PDGFC: variants seen among roughly 807,000 people sequenced by gnomAD.
PDGFC encodes the protein platelet derived growth factor C, also known as platelet-derived growth factor C.
PDGFC carries 12 observed loss-of-function variants against 35.5 expected under a neutral mutation model. The ratio of observed to expected loss-of-function variants is 0.34; its 90% CI spans 0.22 to 0.55. The LOEUF (loss-of-function observed/expected upper bound fraction) is 0.55. Among genes scored for constraint, PDGFC ranks in the 20% least tolerant of loss-of-function variants. The pLI is 0.91. For missense variants in PDGFC, 322 were observed against 412.4 expected, an observed-to-expected ratio of 0.78 and a Z score of 1.90; for synonymous variants, 159 against 148.8, an observed-to-expected ratio of 1.07 and a Z score of -0.50.
At chr4:156,811,808 C>T (rs963093058) in intron 2 of PDGFC, among the ~76,000 whole-genome samples, 39 of 152,008 alleles carry the variant, frequency 2.6e-4, no homozygotes, top group African/African-American at 9.4e-4. Flanking sequence ...CAGACTGTTT[C>T]ACAAATCTGT....
chr4:156,898,761 A>C (rs1579085867), intron 1 of PDGFC, among the ~76,000 whole-genome samples: 1 of 152,246 alleles, frequency 6.6e-6, no homozygotes, highest in East Asian at 1.9e-4. Context: ...CTTGGGCCAA[A>C]GAAATCCTCC....
chr4:156,790,789 A>T (rs950565730), intron 3 of PDGFC, among the ~76,000 whole-genome samples: 1 of 152,356 alleles, frequency 6.6e-6, no homozygotes, highest in East Asian at 1.9e-4. Context: ...TGAAAGGCAC[A>T]ATACAAATTA....
chr4:156,850,268 C>T lies in PDGFC; in HGVS notation c.267G>A (p.Thr89=), dbSNP rs778872984. Residue 89 remains threonine, a synonymous_variant, in exon 2 of 6, where the codon ACG becomes ACA. Coordinates refer to ENST00000502773, the MANE Select transcript of PDGFC (RefSeq NM_016205.3). ...AVEENVWIQL[T]FDERFGLEDP... ...CTTCAAGCCCAAATCTTTCATCAAA[C>T]GTAAGTTGTATCCATACATTTTCCT... 10 of 1,604,730 alleles carry T rather than the reference C, an allele frequency of 6.2e-6. No individual in the cohort carries two copies. The highest frequency in any genetic ancestry group is 5.6e-5 in the South Asian group (5 of 89,424).
intron 1 of PDGFC, among the ~76,000 whole-genome samples, chr4:156,946,798 A>G (rs1418164734): frequency 6.6e-6 from 1 of 152,068 alleles, no homozygotes; most frequent in Non-Finnish European, 1.5e-5. Context: ...TAGGCAACAC[A>G]GTATCTCAAT....
At chr4:156,897,816 C>T (rs1302063031) in intron 1 of PDGFC, among the ~76,000 whole-genome samples, 8 of 152,258 alleles carry the variant, frequency 5.3e-5, no homozygotes, top group Non-Finnish European at 1.2e-4. Flanking sequence ...AAGAGAGCCC[C>T]TTTAACTCTT....
chr4:156,954,625 T>C (rs1368566820), intron 1 of PDGFC, among the ~76,000 whole-genome samples: 1 of 152,008 alleles, frequency 6.6e-6, no homozygotes, highest in Non-Finnish European at 1.5e-5. Flanking sequence ...CTGGAAATGA[T>C]ACATTTTTTT....
At chr4:156,851,930 C>CAAAAAAAAAAAAAAAAAAA (rs61505882) in intron 1 of PDGFC, among the ~76,000 whole-genome samples, 28 of 47,852 alleles carry the variant, frequency 5.9e-4, no homozygotes, top group African/African-American at 1.6e-3. Flanking sequence ...GACTCCATCT[C>CAAAAAAAAAAAAAAAAAAA]AAAAAAAAAA....
intron 1 of PDGFC, among the ~76,000 whole-genome samples, chr4:156,945,298 T>C (rs1295259820): frequency 6.9e-6 from 1 of 144,056 alleles, no homozygotes; most frequent in Non-Finnish European, 1.5e-5. Context: ...TAGACATCTC[T>C]TAATATTTTA....
chr4:156,916,259 C>T (rs1452959002), intron 1 of PDGFC, among the ~76,000 whole-genome samples: 2 of 152,146 alleles, frequency 1.3e-5, no homozygotes, highest in African/African-American at 4.8e-5. Flanking sequence ...GGGCCTCTCA[C>T]CCTGTATGCA....
At chr4:156,939,832 T>C (rs968214780) in intron 1 of PDGFC, among the ~76,000 whole-genome samples, 2 of 152,022 alleles carry the variant, frequency 1.3e-5, no homozygotes, top group Non-Finnish European at 2.9e-5. Context: ...GTTGACAGAA[T>C]GCAACATAAA....
At chr4:156,848,257 AAGAC>A (rs1468763665) in intron 2 of PDGFC, among the ~76,000 whole-genome samples, 2 of 152,070 alleles carry the variant, frequency 1.3e-5, no homozygotes, top group East Asian at 1.9e-4. Flanking sequence ...AATTTTTTAA[AAGAC>A]AGATCAGAAG....
At chr4:156,840,202 A>G (rs980228723) in intron 2 of PDGFC, among the ~76,000 whole-genome samples, 2 of 152,140 alleles carry the variant, frequency 1.3e-5, no homozygotes, top group Non-Finnish European at 1.5e-5. Context: ...CATCACAGGC[A>G]TGGAGGCCTA....
intron 1 of PDGFC, among the ~76,000 whole-genome samples, chr4:156,885,466 C>T (rs1481487728): frequency 1.3e-5 from 2 of 152,190 alleles, no homozygotes; most frequent in Non-Finnish European, 2.9e-5. Flanking sequence ...CCTTTAAAAG[C>T]AGCATATATG....
intron 1 of PDGFC, among the ~76,000 whole-genome samples, chr4:156,868,967 C>G (rs1729912907): frequency 2.6e-5 from 4 of 152,150 alleles, no homozygotes; most frequent in Admixed American, 6.5e-5. Flanking sequence ...CTCAATATAT[C>G]CTACTGCAAA....
intron 2 of PDGFC, among the ~76,000 whole-genome samples, chr4:156,827,161 A>T (rs1453870797): frequency 5.3e-5 from 8 of 152,146 alleles, no homozygotes; most frequent in African/African-American, 1.4e-4. Flanking sequence ...CACACGCCTG[A>T]AATTCCAGCA....
chr4:156,803,876 T>C (rs1464279952), intron 3 of PDGFC, among the ~76,000 whole-genome samples: 1 of 152,150 alleles, frequency 6.6e-6, no homozygotes, highest in African/African-American at 2.4e-5. Context: ...GCTGGAACTA[T>C]GTCATCTGTG....
chr4:156,841,653 CG>C (rs1729208850), intron 2 of PDGFC, among the ~76,000 whole-genome samples: 1 of 152,002 alleles, frequency 6.6e-6, no homozygotes, highest in Non-Finnish European at 1.5e-5. Context: ...ATTACAAGCA[CG>C]TGCCACCATG....
chr4:156,838,168 C>T (rs2111045003), intron 2 of PDGFC, among the ~76,000 whole-genome samples: 1 of 152,274 alleles, frequency 6.6e-6, no homozygotes, highest in East Asian at 1.9e-4. Flanking sequence ...TGAAAGCTGC[C>T]TGTCAATGCT....
chr4:156,935,520 A>G (rs1388225767), intron 1 of PDGFC, among the ~76,000 whole-genome samples: 1 of 152,124 alleles, frequency 6.6e-6, no homozygotes, highest in African/African-American at 2.4e-5. Flanking sequence ...CAACATTACA[A>G]CAGCTACAAC....
Sources: gnomAD v4.1 joint callset for allele counts (sites outside exome capture counted in the v4.1 genomes callset) on GRCh38, gnomAD v4.1.1 for gene constraint, MANE v1.5 for transcripts, NCBI Gene and HGNC (gene_info 2026-07-23, HGNC 2026-07-21) for gene names.